YTHDC1: variants seen among roughly 807,000 people sequenced by gnomAD.
The protein encoded by YTHDC1 is YTH N6-methyladenosine RNA binding protein C1, also known as YTH domain-containing protein 1.
In YTHDC1, 12 loss-of-function variants were observed where a neutral mutation model predicts 107.0. The ratio of observed to expected loss-of-function variants is 0.11; its 90% CI spans 0.07 to 0.18. The LOEUF (loss-of-function observed/expected upper bound fraction) is 0.18. Among genes scored for constraint, YTHDC1 ranks in the 10% least tolerant of loss-of-function variants. YTHDC1 has a pLI of 1.00. For synonymous variants in YTHDC1, 280 were observed against 289.5 expected (o/e 0.97, Z 0.33); for missense variants, 635 against 898.8 (o/e 0.71, Z 3.75).
intron 1 of YTHDC1, among the ~76,000 whole-genome samples, chr4:68,348,187 C>T (rs1725659185): frequency 6.6e-6 from 1 of 152,162 alleles, no homozygotes; most frequent in Admixed American, 6.5e-5. Flanking sequence ...CTTCAATGTG[C>T]ATTACTGCGT....
intron 4 of YTHDC1, among the ~76,000 whole-genome samples, chr4:68,334,942 C>T (rs1723990780): frequency 6.6e-6 from 1 of 152,116 alleles, no homozygotes; most frequent in African/African-American, 2.4e-5. Context: ...AGATCCTACT[C>T]AATTGTTTTT....
intron 1 of YTHDC1, 173 bp from the exon 2 acceptor site, chr4:68,338,557 G>C (rs1724481238): frequency 1.8e-6 from 1 of 546,686 alleles, no homozygotes; most frequent in Non-Finnish European, 3.1e-6. Context: ...AACTAATACA[G>C]GGTAAAGAAT....
Position 68,349,730 on chromosome 4 carries a change from C to T in YTHDC1, c.24G>A (p.Glu8=). The T allele has an allele frequency of 6.2e-7, 1 of 1,612,496 alleles. No homozygotes were observed. Among genetic ancestry groups the T allele is most frequent in the Non-Finnish European group, 8.5e-7 (1 of 1,179,434 alleles). Residue 8 remains glutamate (E), a synonymous_variant, in exon 1 of 17, where the codon GAG becomes GAA. Coordinates refer to ENST00000344157, the MANE Select transcript of YTHDC1 (RefSeq NM_001031732.4). Reference sequence around the variant, plus strand: ...GTCATCTTTCTCCGCACTAACCTTTCTCCTCCCGACTGTCAGCCGCCATGG... The same window carrying T: ...GTCATCTTTCTCCGCACTAACCTTTTTCCTCCCGACTGTCAGCCGCCATGG... MAADSRE[E]KDGELNVLDD... is the part of the protein sequence containing the mutation.
At chr4:68,346,293 T>C (rs1025534965) in intron 1 of YTHDC1, among the ~76,000 whole-genome samples, 109 of 152,160 alleles carry the variant, frequency 7.2e-4, no homozygotes, top group African/African-American at 2.5e-3. Flanking sequence ...CACACACCTG[T>C]AGTCCCAGCT....
intron 1 of YTHDC1, among the ~76,000 whole-genome samples, 183 bp from the exon 2 acceptor site, chr4:68,338,567 T>G (rs868525026): frequency 6.6e-6 from 1 of 152,254 alleles, no homozygotes; most frequent in South Asian, 2.1e-4. Context: ...GGGTAAAGAA[T>G]TGGCCAGTCG....
At chr4:68,314,583 G>A (rs1721610058) in intron 16 of YTHDC1, among the ~76,000 whole-genome samples, 1 of 152,150 alleles carries the variant, frequency 6.6e-6, no homozygotes, top group Admixed American at 6.5e-5. Context: ...TCTTTATGCA[G>A]TTTTCCACTT....
Position 68,337,254 on chromosome 4 carries a change from GCATCTTCTTCTA to G in YTHDC1, c.644_655del (p.Val215_Asp218del), listed in dbSNP as rs760498379. The G allele has an allele frequency of 2.3e-5, 36 of 1,598,486 alleles. No individual in the cohort carries two copies. The highest frequency in any genetic ancestry group is 3.0e-5 in the Non-Finnish European group (35 of 1,170,956). On this transcript the variant is annotated inframe_deletion, in exon 4 of 17. Coordinates refer to ENST00000344157, the MANE Select transcript of YTHDC1 (RefSeq NM_001031732.4). Reference sequence around the variant, plus strand: ...TTCATCCACCTCTTCATCTTCTTCTGCATCTTCTTCTACTTCTTCATCTTCCTCCACATCTTC... The same window carrying G: ...TTCATCCACCTCTTCATCTTCTTCTGCTTCTTCATCTTCCTCCACATCTTC...
At chr4:68,324,759 G>A (rs1050425066) in intron 9 of YTHDC1, among the ~76,000 whole-genome samples, 1 of 152,068 alleles carries the variant, frequency 6.6e-6, no homozygotes, top group Non-Finnish European at 1.5e-5. Context: ...ACTACGCATA[G>A]AATGGCTTGA....
intron 4 of YTHDC1, 27 bp downstream of exon 4, chr4:68,337,000 C>A: frequency 6.5e-7 from 1 of 1,538,106 alleles, no homozygotes; most frequent in Admixed American, 2.1e-5. Context: ...TTTTTTAAGA[C>A]AAACTTTTAC....
Position 68,337,337 on chromosome 4 carries a change from A to G in YTHDC1, c.573T>C (p.Ser191=). The part of the protein sequence containing the change: ...SDHETGSSGS[S]DEQGNNTENE... The stretch of plus-strand genomic sequence containing the variant: ...TCTCAGTGTTGTTCCCTTGCTCATC[A>G]GAAGAACCACTGCTGCCAGTCTCAT... The change falls in exon 4 of 17, where the codon TCT becomes TCC. Residue 191 remains serine (S), a synonymous_variant. Coordinates refer to ENST00000344157, the MANE Select transcript of YTHDC1 (RefSeq NM_001031732.4). The G allele has an allele frequency of 6.2e-7, 1 of 1,614,012 alleles. No individual in the cohort carries two copies. The highest frequency in any genetic ancestry group is 8.5e-7 in the Non-Finnish European group (1 of 1,180,010).
chr4:68,330,134 T>G lies in YTHDC1; in HGVS notation c.1232-15A>C, dbSNP rs776293426. 1 of 1,602,086 alleles carries G rather than the reference T, an allele frequency of 6.2e-7. No individual in the cohort carries two copies. Among genetic ancestry groups the G allele is most frequent in the Non-Finnish European group, 8.5e-7 (1 of 1,170,476 alleles). On this transcript the variant is annotated splice_polypyrimidine_tract_variant and intron_variant, in intron 8 of 16. Coordinates refer to ENST00000344157, the MANE Select transcript of YTHDC1 (RefSeq NM_001031732.4). ...TCTTGCAAACCCTAAGAGAATCATA[T>G]CATAATATAATATGTAGATGCTAAT...
chr4:68,337,643 G>T lies in YTHDC1; in HGVS notation c.388C>A (p.Pro130Thr), dbSNP rs535554727. The change falls in exon 3 of 17, where the codon CCT becomes ACT. Residue 130 changes from proline to threonine, a missense_variant. Pro to Thr is a conservative substitution (Grantham distance 38, BLOSUM62 -1). This residue lies in a region of YTHDC1 where 294 missense variants were observed against 312.3 expected (regional missense o/e 0.94). Coordinates refer to ENST00000344157, the MANE Select transcript of YTHDC1 (RefSeq NM_001031732.4). ...SASREPYKNQ[P>T]EKTCVRKRDP... is the part of the protein sequence containing the mutation. ...CTTTTCCGGACACAGGTTTTTTCAG[G>T]TTGATTCTTATAAGGTTCTCTGGAG... is the stretch of plus-strand genomic sequence containing the variant. 3.1e-6 allele frequency: 5 copies of T among 1,613,928 alleles called. No individual in the cohort carries two copies. In the African/African-American group the frequency reaches 6.7e-5, roughly 22 times the overall value.
intron 1 of YTHDC1, among the ~76,000 whole-genome samples, chr4:68,342,124 C>A (rs1451240578): frequency 2.0e-5 from 3 of 152,126 alleles, no homozygotes; most frequent in Non-Finnish European, 2.9e-5. Flanking sequence ...ATAAGATGAT[C>A]ACCCTAAAAC....
chr4:68,350,002 T>G lies in YTHDC1; in HGVS notation c.-249A>C. On this transcript the variant is annotated 5_prime_UTR_variant, in exon 1 of 17. Coordinates refer to ENST00000344157, the MANE Select transcript of YTHDC1 (RefSeq NM_001031732.4). ...CGTTAGGGCTCAGACTCGGGCTAGGTATGGGGGAGGGAAGGGAAACAGATG... is the reference window on the plus strand; with the variant it reads ...CGTTAGGGCTCAGACTCGGGCTAGGGATGGGGGAGGGAAGGGAAACAGATG... 1 of 583,938 alleles carries G rather than the reference T, an allele frequency of 1.7e-6. No homozygotes were observed. Among genetic ancestry groups the G allele is most frequent in the Non-Finnish European group, 3.0e-6 (1 of 331,676 alleles). 36.2% of individuals were successfully genotyped at this position (583,938 alleles called of 1,614,324 possible). A position where few individuals can be genotyped will look rare whatever the true frequency, so the allele number is the denominator to read the frequency against.
chr4:68,340,467 A>C (rs1005360186), intron 1 of YTHDC1, among the ~76,000 whole-genome samples: 2 of 152,226 alleles, frequency 1.3e-5, no homozygotes, highest in East Asian at 1.9e-4. Flanking sequence ...CAAACAAAAA[A>C]GCTTCTCTCA....
At chr4:68,332,887 A>C (rs1232961924) in intron 5 of YTHDC1, 40 bp from the exon 6 acceptor site, 2 of 1,566,554 alleles carry the variant, frequency 1.3e-6, no homozygotes, top group South Asian at 2.3e-5. Flanking sequence ...ATTGAGCTTT[A>C]ATAGAGATAA....
At chr4:68,328,001 T>C (rs1249499386) in intron 9 of YTHDC1, among the ~76,000 whole-genome samples, 2 of 152,152 alleles carry the variant, frequency 1.3e-5, no homozygotes, top group African/African-American at 2.4e-5. Flanking sequence ...CACCTCACGT[T>C]AGTAGGATAG....
intron 4 of YTHDC1, among the ~76,000 whole-genome samples, 175 bp downstream of exon 4, chr4:68,336,852 A>T (rs1435160949): frequency 6.6e-6 from 1 of 152,226 alleles, no homozygotes; most frequent in African/African-American, 2.4e-5. Context: ...AAAATATGTA[A>T]ATCTTATCCA....
intron 11 of YTHDC1, among the ~76,000 whole-genome samples, chr4:68,320,646 A>G (rs1222128164): frequency 6.6e-6 from 1 of 152,160 alleles, no homozygotes; most frequent in African/African-American, 2.4e-5. Context: ...CTGCATATTT[A>G]AAACTTATAA....
Sources: gnomAD v4.1 joint callset for allele counts (sites outside exome capture counted in the v4.1 genomes callset) on GRCh38, gnomAD v4.1.1 for gene constraint, gnomAD v4.1.1 regional missense constraint, MANE v1.5 for transcripts, NCBI Gene and HGNC (gene_info 2026-07-23, HGNC 2026-07-21) for gene names.